VPS13C: variants seen among roughly 807,000 people sequenced by gnomAD.
The protein encoded by VPS13C is vacuolar protein sorting 13 homolog C, also known as intermembrane lipid transfer protein VPS13C.
VPS13C carries 358 observed loss-of-function variants against 456.8 expected under a neutral mutation model. The observed-to-expected ratio is 0.78, with a 90% CI of 0.72 to 0.86. The LOEUF (loss-of-function observed/expected upper bound fraction) is 0.86, where lower values mean the gene tolerates loss of function less well. Among genes scored for constraint, VPS13C ranks in the 40% least tolerant of loss-of-function variants. The pLI is 0.00. For synonymous variants in VPS13C, 1,578 were observed against 1,486.7 expected (o/e 1.06, Z -1.41); for missense variants, 4,818 against 4,385.4 (o/e 1.10, Z -2.79).
intron 2 of VPS13C, 68 bp downstream of exon 2, chr15:62,044,144 A>G (rs1317889054): frequency 1.8e-6 from 2 of 1,103,638 alleles, no homozygotes; most frequent in South Asian, 1.4e-5. Flanking sequence ...TCAGATGCCT[A>G]GTAGGCAAAG....
Position 61,920,134 on chromosome 15 carries a change from T to C in VPS13C, c.7410A>G (p.Val2470=). The change falls in exon 57 of 85, where the codon GTA becomes GTG. Residue 2470 remains valine, a synonymous_variant. Coordinates refer to ENST00000644861, the MANE Select transcript of VPS13C (RefSeq NM_020821.3). ...TAGATAGGTTCCCTTGACTTGAAGG[T>C]ACCATGCTGGCATACTCCAGTTCCA... is the stretch of plus-strand genomic sequence containing the variant. ...QNLELEYASM[V]PSSQGNLSIL... The C allele has an allele frequency of 4.3e-6, 7 of 1,613,468 alleles. No individual in the cohort carries two copies. Among genetic ancestry groups the C allele is most frequent in the East Asian group, 2.2e-5 (1 of 44,852 alleles).
chr15:61,922,451 T>C lies in VPS13C; in HGVS notation c.6921A>G (p.Gly2307=), dbSNP rs1362373592. Residue 2307 remains glycine (G), a synonymous_variant, in exon 54 of 85, where the codon GGA becomes GGG. Coordinates refer to ENST00000644861, the MANE Select transcript of VPS13C (RefSeq NM_020821.3). The part of the protein sequence containing the change: ...PLLLAESKFS[G]NIKNWTSLMA... The stretch of plus-strand genomic sequence containing the variant: ...TTAGAGAAGTCCAATTTTTAATATT[T>C]CCTGAAAACTTAGACTCTGCCAATA... The C allele has an allele frequency of 6.2e-7, 1 of 1,613,988 alleles. No individual in the cohort carries two copies. The highest frequency in any genetic ancestry group is 1.7e-5 in the Admixed American group (1 of 60,014).
chr15:61,876,351 G>A (rs1895425462), intron 75 of VPS13C, among the ~76,000 whole-genome samples: 2 of 151,894 alleles, frequency 1.3e-5, no homozygotes, highest in Admixed American at 6.6e-5. Flanking sequence ...ACATAATTCA[G>A]TAATTGTTAG....
chr15:61,952,288 T>C (rs2044827908), intron 38 of VPS13C, among the ~76,000 whole-genome samples: 1 of 152,206 alleles, frequency 6.6e-6, no homozygotes, highest in African/African-American at 2.4e-5. Flanking sequence ...TCTTATGCAC[T>C]GTAGGATATG....
chr15:61,917,365 T>C lies in VPS13C; in HGVS notation c.8031A>G (p.Pro2677=), dbSNP rs139185515. 2.5e-5 allele frequency: 41 copies of C among 1,613,748 alleles called. No individual in the cohort carries two copies. In the African/African-American group the frequency reaches 4.5e-4, roughly 18 times the overall value. ...YPSLTLRNLL[P]YSLRYLLEGT... Reference sequence around the variant, plus strand: ...CCTCAAGTAAATATCTTAGGGAATATGGGAGAAGATTCCGCAAAGTGAGAG... The same window carrying C: ...CCTCAAGTAAATATCTTAGGGAATACGGGAGAAGATTCCGCAAAGTGAGAG... Residue 2677 remains proline (P), a synonymous_variant, in exon 60 of 85, where the codon CCA becomes CCG. Coordinates refer to ENST00000644861, the MANE Select transcript of VPS13C (RefSeq NM_020821.3).
chr15:61,977,793 A>G (rs192735846), intron 23 of VPS13C, among the ~76,000 whole-genome samples: 20 of 152,184 alleles, frequency 1.3e-4, no homozygotes, highest in African/African-American at 4.8e-4. Flanking sequence ...TTATAATCCA[A>G]TTATTCTTAA....
At chr15:62,039,128 G>A (rs1264217331) in intron 3 of VPS13C, among the ~76,000 whole-genome samples, 1 of 152,048 alleles carries the variant, frequency 6.6e-6, no homozygotes, top group Non-Finnish European at 1.5e-5. Flanking sequence ...AAAGACACCT[G>A]CACTCATATG....
chr15:62,023,593 T>C (rs1000069853), intron 7 of VPS13C, 73 bp from the exon 8 acceptor site: 80 of 1,210,706 alleles, frequency 6.6e-5, no homozygotes, highest in Non-Finnish European at 8.9e-5. Context: ...AACCAAAGGA[T>C]AGCTAAGGTA....
intron 48 of VPS13C, chr15:61,935,721 C>T (rs1388119167): frequency 6.6e-6 from 1 of 152,214 alleles, no homozygotes; most frequent in Non-Finnish European, 1.5e-5. Flanking sequence ...AAACTATCCA[C>T]TTAAACCAGA....
At chr15:62,036,966 T>A (rs962669186) in intron 3 of VPS13C, among the ~76,000 whole-genome samples, 1 of 150,506 alleles carries the variant, frequency 6.6e-6, no homozygotes, top group Non-Finnish European at 1.5e-5. Context: ...AAGGAGAAAT[T>A]TAACAACTAA....
Position 62,000,595 on chromosome 15 carries a change from A to G in VPS13C, c.1322T>C (p.Ile441Thr), listed in dbSNP as rs2140457978. The G allele has an allele frequency of 6.2e-7, 1 of 1,608,524 alleles. No homozygotes were observed. The highest frequency in any genetic ancestry group is 8.5e-7 in the Non-Finnish European group (1 of 1,178,332). Residue 441 changes from isoleucine (I) to threonine (T), a missense_variant, in exon 16 of 85, where the codon ATA becomes ACA. Physicochemically the swap from Ile to Thr is moderately conservative, Grantham distance 89 (BLOSUM62 -1). Transcript: ENST00000644861. ...DLEKTLDVFN[I>T]ILARQQAQVE... is the part of the protein sequence containing the mutation. Reference sequence around the variant, plus strand: ...TTGTGCTTGTTGCCTTGCTAAAATTATGTTAAAAACATCTAGAGTCTTCTC... The same window carrying G: ...TTGTGCTTGTTGCCTTGCTAAAATTGTGTTAAAAACATCTAGAGTCTTCTC...
chr15:61,935,003 G>A (rs540941836), intron 48 of VPS13C, among the ~76,000 whole-genome samples: 2 of 152,108 alleles, frequency 1.3e-5, no homozygotes, highest in East Asian at 1.9e-4. Context: ...TGCCCACCTC[G>A]GCCTCCCAAA....
Position 61,938,003 on chromosome 15 carries a change from C to T in VPS13C, c.5602-1253G>A, listed in dbSNP as rs181621409. Among the ~76,000 whole-genome samples, 223 of 152,232 alleles carry T rather than the reference C, an allele frequency of 1.5e-3. 1 individual carries two copies. Among genetic ancestry groups the T allele is most frequent in the African/African-American group, 4.9e-3 (204 of 41,530 alleles). On this transcript the variant is annotated intron_variant, in intron 47 of 84. Transcript: ENST00000644861. ...ATGCATAGCAAATCTCCTCTGAATACCACAGTACCCTATGTCCCCCAAATT... is the reference window on the plus strand; with the variant it reads ...ATGCATAGCAAATCTCCTCTGAATATCACAGTACCCTATGTCCCCCAAATT...
At chr15:61,896,666 G>T (rs1178361652) in intron 66 of VPS13C, among the ~76,000 whole-genome samples, 1 of 152,260 alleles carries the variant, frequency 6.6e-6, no homozygotes, top group Admixed American at 6.5e-5. Flanking sequence ...GCGGCAGCGA[G>T]GCTGGGGGAG....
At chr15:61,972,562 G>T in intron 27 of VPS13C, 63 bp downstream of exon 27, 1 of 1,565,880 alleles carries the variant, frequency 6.4e-7, no homozygotes, top group South Asian at 1.1e-5. Flanking sequence ...GGTCTAGCTT[G>T]AGGATAGCTT....
intron 80 of VPS13C, among the ~76,000 whole-genome samples, chr15:61,869,116 CTTTTT>C: frequency 7.6e-6 from 1 of 131,334 alleles, no homozygotes; most frequent in Non-Finnish European, 1.6e-5. Flanking sequence ...TTTCTTTTTT[CTTTTT>C]TTTTTTTTTT....
chr15:61,868,684 TC>T lies in VPS13C; in HGVS notation c.10837del (p.Glu3613AsnfsTer44). The stretch of plus-strand genomic sequence containing the variant: ...CTCAAGTAAGTCAGAGCCCTCAGAT[TC>T]CTGTCTGTCATAAGGACGAATGATG... Reference protein sequence around the residue: ...DGIIRPYDRQESEGSDLLENH... With the variant: ...DGIIRPYDRQXSEGSDLLENH... On this transcript the variant is annotated frameshift_variant, in exon 81 of 85. Transcript: ENST00000644861. LOFTEE classifies it high-confidence loss of function. The T allele has an allele frequency of 6.2e-7, 1 of 1,614,088 alleles. No homozygotes were observed. The highest frequency in any genetic ancestry group is 8.5e-7 in the Non-Finnish European group (1 of 1,180,002).
intron 15 of VPS13C, among the ~76,000 whole-genome samples, chr15:62,003,316 C>T (rs1464701728): frequency 2.7e-5 from 4 of 150,778 alleles, no homozygotes; most frequent in Admixed American, 1.3e-4. Context: ...TTTGGCTCTC[C>T]GTTTGTCTAT....
rs1894680106 is a variant in VPS13C, at chr15:61,867,556, T to A, written c.10863+1103A>T. 1 of 1,012,740 alleles carries A rather than the reference T, an allele frequency of 9.9e-7. No individual in the cohort carries two copies. Among genetic ancestry groups the A allele is most frequent in the African/African-American group, 1.7e-5 (1 of 57,732 alleles). 62.7% of individuals were successfully genotyped at this position (1,012,740 alleles called of 1,614,324 possible). On this transcript the variant is annotated intron_variant, in intron 81 of 84. Coordinates refer to ENST00000644861, the MANE Select transcript of VPS13C (RefSeq NM_020821.3). This position sits in a 1 kb window ranked among gnomAD's most constrained non-coding sequence, Gnocchi z 5.0. Reference sequence around the variant, plus strand: ...CAAACATAAACATATTAATTGGACATAATAATTGTCCTGTTTTTCAATTTT... The same window carrying A: ...CAAACATAAACATATTAATTGGACAAAATAATTGTCCTGTTTTTCAATTTT...
Sources: allele counts gnomAD v4.1 joint callset (sites outside exome capture counted in the v4.1 genomes callset), GRCh38; gene constraint gnomAD v4.1.1; non-coding constraint Gnocchi (gnomAD v3.1); transcripts MANE v1.5; gene names NCBI Gene and HGNC (gene_info 2026-07-23, HGNC 2026-07-21).